The following CTIF variants were observed in gnomAD, a reference collection of about 807,000 sequenced individuals.
The protein encoded by CTIF is cap binding complex dependent translation initiation factor, also known as CBP80/20-dependent translation initiation factor.
CTIF carries 21 observed loss-of-function variants against 66.0 expected under a neutral mutation model. The ratio of observed to expected loss-of-function variants is 0.32; its 90% CI spans 0.23 to 0.46. The LOEUF (loss-of-function observed/expected upper bound fraction) is 0.46. CTIF is among the 20% of genes least tolerant of loss of function. The probability of loss-of-function intolerance (pLI) is 1.00; values close to 1 mark genes in which losing one functional copy is unlikely to be tolerated. For synonymous variants in CTIF, 345 were observed against 326.4 expected, an observed-to-expected ratio of 1.06 and a Z score of -0.62; for missense variants, 739 against 812.7, an observed-to-expected ratio of 0.91 and a Z score of 1.10.
intron 10 of CTIF, among the ~76,000 whole-genome samples, chr18:48,843,933 A>G (rs573924154): frequency 6.6e-6 from 1 of 152,336 alleles, no homozygotes; most frequent in Admixed American, 6.5e-5. Context: ...TAGCTGTGAC[A>G]TGAAGAGCGT....
intron 6 of CTIF, among the ~76,000 whole-genome samples, chr18:48,681,880 G>C (rs1476120451): frequency 6.6e-6 from 1 of 152,108 alleles, no homozygotes; most frequent in African/African-American, 2.4e-5. Flanking sequence ...CCGCCTCCCA[G>C]GTTCAAGCAA....
At chr18:48,641,000 C>T (rs1027536995) in intron 3 of CTIF, among the ~76,000 whole-genome samples, 7 of 152,156 alleles carry the variant, frequency 4.6e-5, no homozygotes, top group African/African-American at 9.7e-5. Flanking sequence ...GACCAGCTGC[C>T]GGCAACTGGG....
chr18:48,625,740 T>C (rs2090581732), intron 2 of CTIF, among the ~76,000 whole-genome samples: 1 of 152,234 alleles, frequency 6.6e-6, no homozygotes, highest in South Asian at 2.1e-4. Context: ...CATGGATTTA[T>C]TTAACCATTT....
intron 7 of CTIF, among the ~76,000 whole-genome samples, chr18:48,728,739 TGAGAGAGAGA>T (rs138125305): frequency 3.6e-5 from 5 of 139,204 alleles, no homozygotes; most frequent in African/African-American, 1.3e-4. Context: ...AGGGGGAGAG[TGAGAGAGAGA>T]GAGAGAGAGA....
intron 1 of CTIF, among the ~76,000 whole-genome samples, chr18:48,583,823 G>C (rs1206313859): frequency 1.3e-5 from 2 of 152,230 alleles, no homozygotes; most frequent in African/African-American, 4.8e-5. Flanking sequence ...AAGTGCCAAG[G>C]ATCCTGGGAT....
At chr18:48,588,756 T>C (rs1402506067) in intron 1 of CTIF, among the ~76,000 whole-genome samples, 1 of 152,248 alleles carries the variant, frequency 6.6e-6, no homozygotes, top group Admixed American at 6.5e-5. Flanking sequence ...ACCGCTGTCC[T>C]GTGGCGGGCT....
intron 9 of CTIF, among the ~76,000 whole-genome samples, chr18:48,798,407 G>A (rs894943229): frequency 9.2e-5 from 14 of 152,282 alleles, no homozygotes; most frequent in Admixed American, 3.9e-4. Context: ...ATAAGGGCTC[G>A]TGCTTTTTTG....
intron 6 of CTIF, among the ~76,000 whole-genome samples, chr18:48,709,347 C>A (rs1208223144): frequency 6.6e-6 from 1 of 152,234 alleles, no homozygotes; most frequent in Non-Finnish European, 1.5e-5. Flanking sequence ...ATGAGAAGCC[C>A]CGAGTGGCCC....
chr18:48,741,184 T>C (rs914504808), intron 7 of CTIF, among the ~76,000 whole-genome samples: 4 of 152,072 alleles, frequency 2.6e-5, no homozygotes, highest in African/African-American at 9.7e-5. Flanking sequence ...AGAGAGGTGT[T>C]TCCTCTAAGC....
chr18:48,717,590 A>C (rs1334490128), intron 7 of CTIF, among the ~76,000 whole-genome samples: 1 of 152,100 alleles, frequency 6.6e-6, no homozygotes, highest in Non-Finnish European at 1.5e-5. Context: ...GAACTTTGTG[A>C]ATAGACTAAA....
intron 3 of CTIF, among the ~76,000 whole-genome samples, chr18:48,638,089 G>T (rs2090856745): frequency 6.6e-6 from 1 of 151,958 alleles, no homozygotes; most frequent in Non-Finnish European, 1.5e-5. Context: ...CCCTGCCTGG[G>T]ACCCCATGTT....
intron 8 of CTIF, chr18:48,760,185 C>CTTTTTTT (rs949378479): frequency 1.5e-5 from 2 of 132,922 alleles, no homozygotes; most frequent in Non-Finnish European, 3.3e-5. Context: ...TCAGCCCTTT[C>CTTTTTTT]TTTTTTTTTT....
At chr18:48,846,041 T>G (rs1389733473) in intron 10 of CTIF, among the ~76,000 whole-genome samples, 2 of 152,248 alleles carry the variant, frequency 1.3e-5, no homozygotes, top group Non-Finnish European at 2.9e-5. Context: ...CTACAGGTAT[T>G]ACTATGCTAC....
intron 6 of CTIF, among the ~76,000 whole-genome samples, chr18:48,710,660 T>G (rs1234259916): frequency 6.6e-6 from 1 of 152,180 alleles, no homozygotes; most frequent in Non-Finnish European, 1.5e-5. Context: ...GGGTTGCAAA[T>G]AGAGGGTCTC....
At chr18:48,730,131 T>C (rs1466418904) in intron 7 of CTIF, among the ~76,000 whole-genome samples, 2 of 152,182 alleles carry the variant, frequency 1.3e-5, no homozygotes, top group Non-Finnish European at 2.9e-5. Flanking sequence ...TGCAGTCATA[T>C]TGGCCACATT....
chr18:48,794,997 G>A (rs1312143480), intron 9 of CTIF, among the ~76,000 whole-genome samples: 5 of 152,236 alleles, frequency 3.3e-5, no homozygotes, highest in South Asian at 2.1e-4. Flanking sequence ...ATTAGCTGGC[G>A]AGAGTCCTGT....
chr18:48,728,630 T>C lies in CTIF; in HGVS notation c.584+16935T>C, dbSNP rs147616089. Among the ~76,000 whole-genome samples the C allele has an allele frequency of 9.6e-3, 1,463 of 152,178 alleles. 57 individuals are homozygous for C. Among genetic ancestry groups the C allele is most frequent in the Admixed American group, 0.076 (1,155 of 15,280 alleles). The stretch of plus-strand genomic sequence containing the variant: ...TCACGGATGTGGTTGCTGGCAGGCC[T>C]TGGCTCCTCACTGGCTGTTGGCTGG... On this transcript the variant is annotated intron_variant, in intron 7 of 11. Coordinates refer to ENST00000256413, the MANE Select transcript of CTIF (RefSeq NM_014772.3).
rs201162196 is a variant in CTIF at position 48,857,680 on chromosome 18, G to A, written c.1581+39G>A. ...CTTCGACATCCCCAACCTCAAAGCCGGTGCATCTCTCATGCCTTAACAGTT... is the reference window on the plus strand; with the variant it reads ...CTTCGACATCCCCAACCTCAAAGCCAGTGCATCTCTCATGCCTTAACAGTT... On this transcript the variant is annotated intron_variant, in intron 11 of 11. Transcript: ENST00000256413. 70 of 1,577,392 alleles carry A rather than the reference G, an allele frequency of 4.4e-5. No individual in the cohort carries two copies. In the East Asian group the frequency reaches 7.6e-4, roughly 17 times the overall value.
chr18:48,672,813 C>G (rs2091557331), intron 6 of CTIF, among the ~76,000 whole-genome samples: 1 of 152,182 alleles, frequency 6.6e-6, no homozygotes, highest in African/African-American at 2.4e-5. Context: ...CCCCTTCTGT[C>G]CCTGTTCGGA....
Sources: gnomAD v4.1 joint callset for allele counts (sites outside exome capture counted in the v4.1 genomes callset) on GRCh38, gnomAD v4.1.1 for gene constraint, MANE v1.5 for transcripts, NCBI Gene and HGNC (gene_info 2026-07-23, HGNC 2026-07-21) for gene names.